ZNF804B: variants seen among roughly 807,000 people sequenced by gnomAD.
The protein encoded by ZNF804B is zinc finger protein 804B, also known as zinc finger 804B.
A neutral mutation model predicts 101.4 loss-of-function variants in ZNF804B; 80 were observed. That is an observed-to-expected ratio of 0.79 (90% CI 0.66 to 0.95). The LOEUF (loss-of-function observed/expected upper bound fraction) is 0.95. ZNF804B is among the 40% of genes least tolerant of loss of function. ZNF804B has a pLI of 0.00. For missense variants in ZNF804B, 1,673 were observed against 1,561.9 expected, an observed-to-expected ratio of 1.07 and a Z score of -1.20; for synonymous variants, 622 against 558.8, an observed-to-expected ratio of 1.11 and a Z score of -1.59.
chr7:88,991,240 T>C (rs906600409), intron 1 of ZNF804B, among the ~76,000 whole-genome samples: 3 of 152,156 alleles, frequency 2.0e-5, no homozygotes, highest in Non-Finnish European at 2.9e-5. Flanking sequence ...GATGCTTTTA[T>C]GTATGTTTGA....
At chr7:88,767,944 C>T (rs1054610132) in intron 1 of ZNF804B, among the ~76,000 whole-genome samples, 1 of 152,306 alleles carries the variant, frequency 6.6e-6, no homozygotes, top group South Asian at 2.1e-4. Flanking sequence ...TCCTGCATTT[C>T]CTTTCACAGG....
rs570428164 is a variant in ZNF804B at position 88,826,413 on chromosome 7, C to T, written c.108+66329C>T. 4.0e-4 allele frequency among the ~76,000 whole-genome samples: 61 copies of T among 152,206 alleles called. No homozygotes were observed. The South Asian group carries it at 0.012, about 29-fold the overall frequency. Reference sequence around the variant, plus strand: ...AATAGCTAATCTCTAAAGTGCCTTCCGGTTTGAAAATGTTATGATTCAGTT... The same window carrying T: ...AATAGCTAATCTCTAAAGTGCCTTCTGGTTTGAAAATGTTATGATTCAGTT... On this transcript the variant is annotated intron_variant, in intron 1 of 3. Transcript: ENST00000333190.
intron 2 of ZNF804B, among the ~76,000 whole-genome samples, chr7:89,234,558 C>T (rs1789249456): frequency 6.6e-6 from 1 of 152,056 alleles, no homozygotes; most frequent in Non-Finnish European, 1.5e-5. Flanking sequence ...TTGGGTATGT[C>T]AGTGAGGGCA....
At chr7:89,163,400 T>C (rs1791096581) in intron 1 of ZNF804B, among the ~76,000 whole-genome samples, 1 of 152,118 alleles carries the variant, frequency 6.6e-6, no homozygotes, top group Non-Finnish European at 1.5e-5. Flanking sequence ...CTTTCTTCTT[T>C]TGATTTTTTG....
At chr7:88,847,283 A>T (rs569174291) in intron 1 of ZNF804B, among the ~76,000 whole-genome samples, 1 of 152,074 alleles carries the variant, frequency 6.6e-6, no homozygotes. Context: ...TTTCTCAACT[A>T]TGTTAATATT....
intron 2 of ZNF804B, among the ~76,000 whole-genome samples, chr7:89,227,250 A>T (rs1737445959): frequency 6.6e-6 from 1 of 152,192 alleles, no homozygotes; most frequent in African/African-American, 2.4e-5. Flanking sequence ...CTACCCTCGC[A>T]GTTGATTTAT....
At chr7:88,997,088 A>G (rs146308455) in intron 1 of ZNF804B, among the ~76,000 whole-genome samples, 16 of 152,246 alleles carry the variant, frequency 1.1e-4, no homozygotes, top group African/African-American at 3.6e-4. Context: ...TAACTGATAC[A>G]CACTTGGAAT....
intron 1 of ZNF804B, among the ~76,000 whole-genome samples, chr7:89,025,636 A>G (rs1371411973): frequency 6.6e-6 from 1 of 152,130 alleles, no homozygotes; most frequent in Non-Finnish European, 1.5e-5. Context: ...CATGTTGTCA[A>G]TACAAAGTGC....
intron 2 of ZNF804B, among the ~76,000 whole-genome samples, chr7:89,258,750 C>T (rs191867843): frequency 4.6e-5 from 7 of 151,676 alleles, no homozygotes; most frequent in Admixed American, 3.9e-4. Context: ...TGTATTCTTA[C>T]AATAAAGTAA....
chr7:88,965,786 G>C (rs1793444916), intron 1 of ZNF804B, among the ~76,000 whole-genome samples: 1 of 151,410 alleles, frequency 6.6e-6, no homozygotes, highest in Admixed American at 6.6e-5. Context: ...CTATCTAATA[G>C]CATATCATTT....
At position 89,266,998 on chromosome 7, in the gene ZNF804B, G is replaced by A. The variant is rs962414146; in HGVS notation, c.249+48703G>A. The stretch of plus-strand genomic sequence containing the variant: ...AGATAATTCTGTGCTACTAAATTGG[G>A]AACATTATTTATTAGAAAAAGGACT... On this transcript the variant is annotated intron_variant, in intron 2 of 3. Coordinates refer to ENST00000333190, the MANE Select transcript of ZNF804B (RefSeq NM_181646.5). Among the ~76,000 whole-genome samples the A allele has an allele frequency of 3.3e-5, 5 of 152,136 alleles. No homozygotes were observed. In the South Asian group the frequency reaches 1.0e-3, roughly 32 times the overall value.
chr7:88,813,433 A>AG lies in ZNF804B; in HGVS notation c.108+53349_108+53350insG, dbSNP rs1790823227. On this transcript the variant is annotated intron_variant, in intron 1 of 3. Transcript: ENST00000333190. ...GAGCGAGACTCCATCTAAAAAAAAA[A>AG]AAAAAGAAAAGAAAAAAATGTTTAA... 3.3e-5 allele frequency among the ~76,000 whole-genome samples: 5 copies of AG among 151,794 alleles called. No individual in the cohort carries two copies. In the South Asian group the frequency reaches 1.0e-3, roughly 32 times the overall value.
intron 1 of ZNF804B, among the ~76,000 whole-genome samples, chr7:88,827,926 C>CT (rs1041936714): frequency 6.6e-6 from 1 of 152,120 alleles, no homozygotes; most frequent in African/African-American, 2.4e-5. Flanking sequence ...CAAAAATCTT[C>CT]TTTTTTTCTA....
chr7:89,317,566 G>A (rs968995171), intron 2 of ZNF804B, among the ~76,000 whole-genome samples: 1 of 152,202 alleles, frequency 6.6e-6, no homozygotes, highest in Admixed American at 6.5e-5. Flanking sequence ...TGGCTAAGAA[G>A]CTGGAAAAGA....
In ZNF804B at chr7:88,759,763, G is replaced by A; in HGVS notation, c.-214G>A. On this transcript the variant is annotated 5_prime_UTR_variant, in exon 1 of 4. Coordinates refer to ENST00000333190, the MANE Select transcript of ZNF804B (RefSeq NM_181646.5). The stretch of plus-strand genomic sequence containing the variant: ...GGTCCCCTCCGTGCTCTGTGCTGTC[G>A]CCGCCGCCGCCTCTGTCAGAGCAGC... 1 of 567,350 alleles carries A rather than the reference G, an allele frequency of 1.8e-6. No homozygotes were observed. Among genetic ancestry groups the A allele is most frequent in the Non-Finnish European group, 3.2e-6 (1 of 316,342 alleles). The allele number at this position is 567,350 out of a possible 1,614,324, so 35.1% of individuals were successfully genotyped here. A position where few individuals can be genotyped will look rare whatever the true frequency, so the allele number is the denominator to read the frequency against.
chr7:88,933,199 T>C (rs981765520), intron 1 of ZNF804B, among the ~76,000 whole-genome samples: 11 of 151,976 alleles, frequency 7.2e-5, no homozygotes, highest in African/African-American at 2.4e-4. Flanking sequence ...AAAAACCACA[T>C]GATTATCTCA....
chr7:89,166,532 T>C (rs946605172), intron 1 of ZNF804B, among the ~76,000 whole-genome samples: 3 of 152,206 alleles, frequency 2.0e-5, no homozygotes, highest in Admixed American at 6.6e-5. Flanking sequence ...ATTGTCTGTC[T>C]GCAATAGTAG....
chr7:89,217,272 A>G (rs1642506391), intron 1 of ZNF804B, among the ~76,000 whole-genome samples: 1 of 152,234 alleles, frequency 6.6e-6, no homozygotes. Flanking sequence ...TTGGCTTTAA[A>G]GGAATATAGC....
intron 2 of ZNF804B, among the ~76,000 whole-genome samples, chr7:89,293,807 A>C (rs2115903626): frequency 6.6e-6 from 1 of 152,258 alleles, no homozygotes; most frequent in Non-Finnish European, 1.5e-5. Context: ...AGAAAAAAAA[A>C]AAGAATGCAG....
Sources: gnomAD v4.1 joint callset for allele counts (sites outside exome capture counted in the v4.1 genomes callset) on GRCh38, gnomAD v4.1.1 for gene constraint, MANE v1.5 for transcripts, NCBI Gene and HGNC (gene_info 2026-07-23, HGNC 2026-07-21) for gene names.